Variants in NXPH1 observed in about 807,000 individuals in gnomAD.
NXPH1 encodes neurexophilin 1.
Under a neutral mutation model 23.7 loss-of-function variants are expected in NXPH1, and 5 were observed. The ratio of observed to expected loss-of-function variants is 0.21; its 90% CI spans 0.11 to 0.44. The LOEUF is 0.44. NXPH1 is among the 20% of genes least tolerant of loss of function. NXPH1 has a pLI of 0.99. For synonymous variants in NXPH1, 144 were observed against 122.2 expected (o/e 1.18, Z -1.18); for missense variants, 324 against 321.6 (o/e 1.01, Z -0.06).
intron 2 of NXPH1, among the ~76,000 whole-genome samples, chr7:8,713,826 CTT>C (rs1779834610): frequency 6.6e-6 from 1 of 152,218 alleles, no homozygotes; most frequent in Non-Finnish European, 1.5e-5. Context: ...TGGAGTCTCT[CTT>C]TCTGTTCTGA....
At chr7:8,744,639 C>T (rs17154751) in intron 2 of NXPH1, among the ~76,000 whole-genome samples, 1,982 of 152,326 alleles carry the variant, frequency 0.013, 17 homozygotes, top group Non-Finnish European at 0.019. Flanking sequence ...TTCCCAGTTT[C>T]CTAGTGGATG....
chr7:8,469,928 A>G (rs1816846638), intron 2 of NXPH1, among the ~76,000 whole-genome samples: 1 of 152,174 alleles, frequency 6.6e-6, no homozygotes. Context: ...GCTAATTATT[A>G]GAAGAGCTGC....
intron 2 of NXPH1, among the ~76,000 whole-genome samples, chr7:8,599,177 T>G (rs895943138): frequency 3.9e-5 from 6 of 152,098 alleles, no homozygotes; most frequent in Non-Finnish European, 8.8e-5. Flanking sequence ...GAAGCAGTTC[T>G]CAAAGAGATG....
At chr7:8,521,428 T>C (rs1817769728) in intron 2 of NXPH1, among the ~76,000 whole-genome samples, 1 of 152,168 alleles carries the variant, frequency 6.6e-6, no homozygotes, top group Non-Finnish European at 1.5e-5. Context: ...AATTGCATAG[T>C]AGTGGGTGGG....
At chr7:8,476,143 ATATT>A (rs1379983260) in intron 2 of NXPH1, among the ~76,000 whole-genome samples, 4 of 152,250 alleles carry the variant, frequency 2.6e-5, no homozygotes, top group Admixed American at 2.6e-4. Flanking sequence ...AAATCTGAAA[ATATT>A]TATGGATCTT....
chr7:8,469,102 T>C (rs190241732), intron 2 of NXPH1, among the ~76,000 whole-genome samples: 2 of 152,112 alleles, frequency 1.3e-5, no homozygotes, highest in Admixed American at 6.6e-5. Context: ...AAAAGAAATA[T>C]TAAAATGTAG....
intron 2 of NXPH1, among the ~76,000 whole-genome samples, chr7:8,747,970 G>A (rs74422151): frequency 0.015 from 2,297 of 152,234 alleles, 60 homozygotes; most frequent in African/African-American, 0.052. Flanking sequence ...TAACTCTGGA[G>A]CTGCTAAGGA....
chr7:8,452,196 A>G (rs1450558320), intron 2 of NXPH1, among the ~76,000 whole-genome samples: 1 of 152,204 alleles, frequency 6.6e-6, no homozygotes, highest in Non-Finnish European at 1.5e-5. Flanking sequence ...CGTTTTTGAT[A>G]TACCCTTTTC....
intron 2 of NXPH1, among the ~76,000 whole-genome samples, chr7:8,706,242 A>G (rs1344460601): frequency 6.6e-6 from 1 of 152,144 alleles, no homozygotes; most frequent in Non-Finnish European, 1.5e-5. Context: ...TAACCGTGCA[A>G]TTTTAGCTGC....
intron 2 of NXPH1, among the ~76,000 whole-genome samples, chr7:8,647,514 A>G (rs1007864592): frequency 6.6e-6 from 1 of 152,052 alleles, no homozygotes; most frequent in Non-Finnish European, 1.5e-5. Context: ...GATTTCATTT[A>G]TGAATGTTTA....
chr7:8,723,349 T>G (rs996365656), intron 2 of NXPH1, among the ~76,000 whole-genome samples: 1 of 152,320 alleles, frequency 6.6e-6, no homozygotes, highest in Non-Finnish European at 1.5e-5. Flanking sequence ...TTCTAGAAAT[T>G]CAAGGAAGAA....
chr7:8,628,396 T>A (rs985209), intron 2 of NXPH1, among the ~76,000 whole-genome samples: 54,081 of 148,388 alleles, frequency 0.36, 11,170 homozygotes, highest in African/African-American at 0.57. Context: ...AGATAATGTA[T>A]GGTTAGAAGA....
chr7:8,627,436 A>G (rs181757155), intron 2 of NXPH1, among the ~76,000 whole-genome samples: 1 of 152,318 alleles, frequency 6.6e-6, no homozygotes, highest in Non-Finnish European at 1.5e-5. Flanking sequence ...TATAAAACAA[A>G]GAAAAGACTT....
chr7:8,653,029 G>A (rs1318637551), intron 2 of NXPH1, among the ~76,000 whole-genome samples: 1 of 151,864 alleles, frequency 6.6e-6, no homozygotes, highest in Non-Finnish European at 1.5e-5. Context: ...ATTTCCAGAA[G>A]TATTTAAAAT....
At chr7:8,482,726 C>T (rs1479432192) in intron 2 of NXPH1, among the ~76,000 whole-genome samples, 1 of 152,104 alleles carries the variant, frequency 6.6e-6, no homozygotes, top group Non-Finnish European at 1.5e-5. Context: ...TATGGTCAAT[C>T]AATCAGTTAG....
At position 8,593,002 on chromosome 7, in the gene NXPH1, G is replaced by A. The variant is rs528004967; in HGVS notation, c.54+157235G>A. On this transcript the variant is annotated intron_variant, in intron 2 of 2. Transcript: ENST00000405863. ...CCAACACAGAAGCTGGAGTCACTGG[G>A]AAGTTGTTTATAGCCAACCCAGGTC... Among the ~76,000 whole-genome samples, 3 of 151,934 alleles carry A rather than the reference G, an allele frequency of 2.0e-5. No individual in the cohort carries two copies. The South Asian group carries it at 6.2e-4, about 32-fold the overall frequency.
At chr7:8,492,471 T>C (rs1440638756) in intron 2 of NXPH1, among the ~76,000 whole-genome samples, 2 of 152,064 alleles carry the variant, frequency 1.3e-5, no homozygotes, top group African/African-American at 4.8e-5. Context: ...TGCTGTTTTC[T>C]GAGGAGTAAA....
intron 2 of NXPH1, among the ~76,000 whole-genome samples, chr7:8,437,372 G>A (rs1042308742): frequency 7.0e-6 from 1 of 142,338 alleles, no homozygotes; most frequent in African/African-American, 2.5e-5. Context: ...GATGGGGGGA[G>A]GGAATGCAAA....
intron 2 of NXPH1, among the ~76,000 whole-genome samples, chr7:8,522,281 G>T (rs147811654): frequency 6.6e-6 from 1 of 152,106 alleles, no homozygotes; most frequent in Non-Finnish European, 1.5e-5. Context: ...TCTATCCCTT[G>T]GTCCCATTTT....
Sources: gnomAD v4.1 joint callset for allele counts (sites outside exome capture counted in the v4.1 genomes callset) on GRCh38, gnomAD v4.1.1 for gene constraint, MANE v1.5 for transcripts, NCBI Gene and HGNC (gene_info 2026-07-23, HGNC 2026-07-21) for gene names.